The following GMEB2 variants were observed in gnomAD, a reference collection of about 807,000 sequenced individuals.
GMEB2 encodes the protein glucocorticoid modulatory element binding protein 2.
Under a neutral mutation model 45.7 loss-of-function variants are expected in GMEB2, and 7 were observed. The observed-to-expected ratio is 0.15, with a 90% CI of 0.09 to 0.29. GMEB2 has a LOEUF of 0.29. Ranked by LOEUF, GMEB2 falls within the 10% of genes least tolerant of loss-of-function variation. The pLI is 1.00. For synonymous variants in GMEB2, 322 were observed against 323.6 expected, an observed-to-expected ratio of 1.00 and a Z score of 0.05; for missense variants, 582 against 739.2, an observed-to-expected ratio of 0.79 and a Z score of 2.47.
intron 2 of GMEB2, among the ~76,000 whole-genome samples, chr20:63,605,850 G>A (rs546144350): frequency 6.6e-6 from 1 of 152,202 alleles, no homozygotes; most frequent in African/African-American, 2.4e-5. Flanking sequence ...AGCTACTTGG[G>A]AGGCCAAGAC....
intron 1 of GMEB2, 33 bp downstream of exon 1, chr20:63,626,923 C>T (rs995283780): frequency 2.8e-5 from 4 of 143,876 alleles, no homozygotes; most frequent in African/African-American, 1.0e-4. Flanking sequence ...GGCCTCGCCG[C>T]GGGGGGGCCG....
intron 4 of GMEB2, among the ~76,000 whole-genome samples, chr20:63,601,851 C>CTT (rs11483962): frequency 8.9e-5 from 12 of 135,506 alleles, no homozygotes; most frequent in African/African-American, 1.9e-4. Flanking sequence ...GGGCCTGTGG[C>CTT]TTCCGTGGGG....
Position 63,588,220 on chromosome 20 carries a change from TAAAAAG to T in GMEB2, c.*1863_*1868del, listed in dbSNP as rs887000547. Reference sequence around the variant, plus strand: ...GCAGAAAAGGTCCCAACCCTGTTCTTAAAAAGAAAGGAAATGAACCCACAACCCACT... The same window carrying T: ...GCAGAAAAGGTCCCAACCCTGTTCTTAAAGGAAATGAACCCACAACCCACT... On this transcript the variant is annotated 3_prime_UTR_variant, in exon 10 of 10. Transcript: ENST00000370077. 6.6e-6 allele frequency: 1 copy of T among 152,518 alleles called. No homozygotes were observed. The highest frequency in any genetic ancestry group is 2.4e-5 in the African/African-American group (1 of 41,448). 9.4% of individuals were successfully genotyped at this position (152,518 alleles called of 1,614,324 possible).
Position 63,621,499 on chromosome 20 carries a change from T to C in GMEB2, c.-57-2045A>G, listed in dbSNP as rs368344255. Among the ~76,000 whole-genome samples the C allele has an allele frequency of 6.6e-4, 100 of 152,004 alleles. 1 individual carries two copies. The South Asian group carries it at 0.011, about 17-fold the overall frequency. ...TGGCCAACACAGTGAAATCCTGTCTTGACTAAAAATACTAAAAATTAGCCA... is the reference window on the plus strand; with the variant it reads ...TGGCCAACACAGTGAAATCCTGTCTCGACTAAAAATACTAAAAATTAGCCA... On this transcript the variant is annotated intron_variant, in intron 1 of 9. Transcript: ENST00000370077.
intron 2 of GMEB2, among the ~76,000 whole-genome samples, chr20:63,617,356 G>A (rs748366630): frequency 2.8e-4 from 43 of 152,098 alleles, no homozygotes; most frequent in African/African-American, 4.8e-4. Flanking sequence ...GCAAGAAGTC[G>A]GCCATCTGCA....
chr20:63,606,083 A>G (rs1254385202), intron 2 of GMEB2, among the ~76,000 whole-genome samples: 1 of 152,212 alleles, frequency 6.6e-6, no homozygotes, highest in Non-Finnish European at 1.5e-5. Flanking sequence ...ATTACTTCAT[A>G]TGGCTATAGA....
At chr20:63,621,667 CAAAAAAA>C (rs56222018) in intron 1 of GMEB2, among the ~76,000 whole-genome samples, 240 of 54,540 alleles carry the variant, frequency 4.4e-3, no homozygotes, top group African/African-American at 7.5e-3. Context: ...AACTCCATCT[CAAAAAAA>C]AAAAAAAAAA....
chr20:63,611,626 AG>A (rs1287705168), intron 2 of GMEB2, among the ~76,000 whole-genome samples: 1 of 151,968 alleles, frequency 6.6e-6, no homozygotes, highest in Non-Finnish European at 1.5e-5. Context: ...AAAAAAAAAA[AG>A]GAAACACATC....
At chr20:63,614,888 C>CCATGG (rs2089597122) in intron 2 of GMEB2, among the ~76,000 whole-genome samples, 1 of 152,190 alleles carries the variant, frequency 6.6e-6, no homozygotes, top group Non-Finnish European at 1.5e-5. Context: ...GTTCACACTC[C>CCATGG]TTACCCTGCC....
At chr20:63,611,951 G>A (rs2089574123) in intron 2 of GMEB2, among the ~76,000 whole-genome samples, 1 of 152,140 alleles carries the variant, frequency 6.6e-6, no homozygotes, top group South Asian at 2.1e-4. Flanking sequence ...AGCTACTCAG[G>A]AGGCTGAGGC....
Position 63,588,670 on chromosome 20 carries a change from G to A in GMEB2, c.*1419C>T, listed in dbSNP as rs1190687869. The A allele has an allele frequency of 5.0e-6, 2 of 398,018 alleles. No homozygotes were observed. The highest frequency in any genetic ancestry group is 8.8e-6 in the Non-Finnish European group (2 of 226,122). 24.7% of individuals were successfully genotyped at this position (398,018 alleles called of 1,614,324 possible). On this transcript the variant is annotated 3_prime_UTR_variant, in exon 10 of 10. Coordinates refer to ENST00000370077, the MANE Select transcript of GMEB2 (RefSeq NM_012384.5). ...ACGGACAGCCAGCCAGTTCCCTTCG[G>A]AGCAGTGAAGTGGGACACAGGACCC...
intron 5 of GMEB2, among the ~76,000 whole-genome samples, chr20:63,596,021 G>C (rs569830862): frequency 6.6e-6 from 1 of 152,306 alleles, no homozygotes; most frequent in African/African-American, 2.4e-5. Context: ...CTGGCCAGTG[G>C]GTGTCCTGGA....
At chr20:63,594,710 A>G (rs1294917185) in intron 6 of GMEB2, among the ~76,000 whole-genome samples, 1 of 152,152 alleles carries the variant, frequency 6.6e-6, no homozygotes, top group African/African-American at 2.4e-5. Context: ...GACCACCCAG[A>G]GATGTGACCA....
chr20:63,626,908 C>G (rs1274548539), intron 1 of GMEB2, 48 bp downstream of exon 1: 1 of 146,862 alleles, frequency 6.8e-6, no homozygotes, highest in Non-Finnish European at 1.5e-5. Flanking sequence ...GTGAGCGGAG[C>G]GAGAGGCCTC....
intron 2 of GMEB2, among the ~76,000 whole-genome samples, chr20:63,613,186 T>G (rs755236929): frequency 2.0e-5 from 3 of 152,204 alleles, no homozygotes; most frequent in Non-Finnish European, 4.4e-5. Context: ...AACTTGGCAA[T>G]TATTTCCTCT....
intron 1 of GMEB2, among the ~76,000 whole-genome samples, 160 bp downstream of exon 1, chr20:63,626,796 G>A (rs898117467): frequency 6.9e-6 from 1 of 145,708 alleles, no homozygotes; most frequent in African/African-American, 2.5e-5. Context: ...CCGCCGTTGC[G>A]CCTGACGCCG....
At chr20:63,608,928 CTG>C (rs1398667178) in intron 2 of GMEB2, among the ~76,000 whole-genome samples, 7 of 31,232 alleles carry the variant, frequency 2.2e-4, no homozygotes, top group Non-Finnish European at 1.0e-3. Flanking sequence ...AAACATGCCC[CTG>C]TGACCCCACC....
intron 1 of GMEB2, among the ~76,000 whole-genome samples, 160 bp downstream of exon 1, chr20:63,626,796 G>T (rs898117467): frequency 6.9e-6 from 1 of 145,708 alleles, no homozygotes; most frequent in Non-Finnish European, 1.5e-5. Flanking sequence ...CCGCCGTTGC[G>T]CCTGACGCCG....
intron 9 of GMEB2, among the ~76,000 whole-genome samples, chr20:63,591,589 G>A (rs1055623367): frequency 7.2e-5 from 11 of 152,056 alleles, no homozygotes; most frequent in Non-Finnish European, 1.5e-4. Flanking sequence ...CCAGCCTCCC[G>A]AGTAGCTGGG....
Sources: allele counts gnomAD v4.1 joint callset (sites outside exome capture counted in the v4.1 genomes callset), GRCh38; gene constraint gnomAD v4.1.1; transcripts MANE v1.5; gene names NCBI Gene and HGNC (gene_info 2026-07-23, HGNC 2026-07-21).